The following LDLRAD4 variants were observed in gnomAD, a reference collection of about 807,000 sequenced individuals.
The protein encoded by LDLRAD4 is low density lipoprotein receptor class A domain containing 4, also known as low-density lipoprotein receptor class A domain-containing protein 4.
In LDLRAD4, 5 loss-of-function variants were observed where a neutral mutation model predicts 17.0. The ratio of observed to expected loss-of-function variants is 0.29; its 90% CI spans 0.15 to 0.62. LDLRAD4 has a LOEUF of 0.62. LDLRAD4 is among the 20% of genes least tolerant of loss of function. The probability of loss-of-function intolerance (pLI) is 0.84; values close to 1 mark genes in which losing one functional copy is unlikely to be tolerated. For synonymous variants in LDLRAD4, 168 were observed against 171.8 expected (o/e 0.98, Z 0.17); for missense variants, 340 against 424.7 (o/e 0.80, Z 1.75).
chr18:13,358,874 T>TG (rs1324765278), intron 1 of LDLRAD4, among the ~76,000 whole-genome samples: 11 of 152,072 alleles, frequency 7.2e-5, no homozygotes, highest in Non-Finnish European at 5.9e-5. Flanking sequence ...TATGATGAAA[T>TG]TTAACAAAGG....
intron 4 of LDLRAD4, among the ~76,000 whole-genome samples, chr18:13,627,891 G>A (rs1450802484): frequency 1.3e-5 from 2 of 152,212 alleles, no homozygotes; most frequent in African/African-American, 2.4e-5. Context: ...CCAGGAGCCC[G>A]CTGTGCTGGG....
intron 3 of LDLRAD4, among the ~76,000 whole-genome samples, chr18:13,607,820 C>T (rs1161730344): frequency 6.6e-6 from 1 of 152,172 alleles, no homozygotes; most frequent in Non-Finnish European, 1.5e-5. Context: ...GTATATGTGC[C>T]ACATTTTCTT....
At chr18:13,443,896 G>A (rs1025384410) in intron 3 of LDLRAD4, among the ~76,000 whole-genome samples, 4 of 152,208 alleles carry the variant, frequency 2.6e-5, no homozygotes, top group Admixed American at 2.0e-4. Flanking sequence ...AGACTCAGGT[G>A]TGAACGCTGT....
At chr18:13,282,623 C>T (rs568149924) in intron 1 of LDLRAD4, among the ~76,000 whole-genome samples, 1 of 152,356 alleles carries the variant, frequency 6.6e-6, no homozygotes, top group African/African-American at 2.4e-5. Context: ...TGGGCAGCTC[C>T]ACTCCTGTGG....
intron 1 of LDLRAD4, among the ~76,000 whole-genome samples, chr18:13,308,230 A>G (rs957662381): frequency 3.3e-5 from 5 of 151,636 alleles, no homozygotes; most frequent in Non-Finnish European, 5.9e-5. Context: ...GCCGCCCCAC[A>G]CCTCTCCTCT....
rs191483042 is a variant in LDLRAD4 at position 13,531,766 on chromosome 18, C to T, written c.182-89351C>T. ...GTAGGAAATGGAGATGGAGAGAAAG[C>T]GCTGCATCTTTCTCCTTAGAGAACT... On this transcript the variant is annotated intron_variant, in intron 3 of 5. Coordinates refer to ENST00000359446, the Ensembl canonical transcript of LDLRAD4. 4.6e-5 allele frequency among the ~76,000 whole-genome samples: 7 copies of T among 152,166 alleles called. No homozygotes were observed. In the East Asian group the frequency reaches 9.7e-4, roughly 21 times the overall value.
At chr18:13,350,698 C>T (rs1319960833) in intron 1 of LDLRAD4, among the ~76,000 whole-genome samples, 1 of 152,184 alleles carries the variant, frequency 6.6e-6, no homozygotes, top group African/African-American at 2.4e-5. Context: ...GTCATGAAAT[C>T]TTTGCCCATG....
At chr18:13,286,298 G>A (rs984969236) in intron 1 of LDLRAD4, among the ~76,000 whole-genome samples, 1 of 152,218 alleles carries the variant, frequency 6.6e-6, no homozygotes, top group African/African-American at 2.4e-5. Context: ...CTCATATTAT[G>A]TTGTCCTTGG....
rs182645836 is a variant in LDLRAD4 at position 13,407,215 on chromosome 18, G to A, written c.40+19453G>A. Among the ~76,000 whole-genome samples, 898 of 152,256 alleles carry A rather than the reference G, an allele frequency of 5.9e-3. 14 individuals are homozygous for A. The highest frequency in any genetic ancestry group is 0.021 in the African/African-American group (860 of 41,536). ...GCTGGATGTCACCTGCGCGACTCTG[G>A]TGCACCCCTCATAGAGGCTGCTCTG... On this transcript the variant is annotated intron_variant, in intron 2 of 5. Transcript: ENST00000359446.
At chr18:13,494,229 C>CAA (rs1443729478) in intron 3 of LDLRAD4, among the ~76,000 whole-genome samples, 1 of 152,088 alleles carries the variant, frequency 6.6e-6, no homozygotes, top group African/African-American at 2.4e-5. Flanking sequence ...TTGTCTGACA[C>CAA]AAAAGCATAT....
chr18:13,230,076 C>T (rs1186647082), intron 1 of LDLRAD4, among the ~76,000 whole-genome samples: 1 of 152,188 alleles, frequency 6.6e-6, no homozygotes. Flanking sequence ...GATTAGGTCA[C>T]GAGGCTTCTC....
At chr18:13,630,371 G>A (rs534153775) in intron 4 of LDLRAD4, among the ~76,000 whole-genome samples, 1 of 152,074 alleles carries the variant, frequency 6.6e-6, no homozygotes, top group Non-Finnish European at 1.5e-5. Flanking sequence ...TGGAAAGGAC[G>A]GTAGTGATAA....
At chr18:13,541,818 C>CAAGCCAGGAGGATAGCTTA (rs535490829) in intron 3 of LDLRAD4, among the ~76,000 whole-genome samples, 4 of 152,206 alleles carry the variant, frequency 2.6e-5, no homozygotes, top group Admixed American at 1.3e-4. Flanking sequence ...TTTGGGAGAC[C>CAAGCCAGGAGGATAGCTTA]AAGCCAGGAG....
chr18:13,313,509 C>G (rs1276464225), intron 1 of LDLRAD4, among the ~76,000 whole-genome samples: 3 of 152,196 alleles, frequency 2.0e-5, no homozygotes, highest in South Asian at 4.1e-4. Context: ...TCTGGTGAAC[C>G]CGGTTTCCCG....
intron 2 of LDLRAD4, among the ~76,000 whole-genome samples, chr18:13,394,733 A>G (rs2086525805): frequency 6.6e-6 from 1 of 152,208 alleles, no homozygotes; most frequent in Admixed American, 6.5e-5. Context: ...GCATTGTTTG[A>G]GATGAATCCT....
Position 13,622,441 on chromosome 18 carries a change from C to T in LDLRAD4, c.336+1170C>T, listed in dbSNP as rs1350240444. The stretch of plus-strand genomic sequence containing the variant: ...GAGGAGATGGGATGCCAGGGGAAGA[C>T]GTGCACCCTTGACAGCCGTTTCCTC... On this transcript the variant is annotated intron_variant, in intron 4 of 5. Coordinates refer to ENST00000359446, the Ensembl canonical transcript of LDLRAD4. This position sits in a 1 kb window ranked among gnomAD's most constrained non-coding sequence, Gnocchi z 5.3. Among the ~76,000 whole-genome samples the T allele has an allele frequency of 6.6e-6, 1 of 152,154 alleles. No homozygotes were observed.
upstream of LDLRAD4, among the ~76,000 whole-genome samples, chr18:13,273,766 G>A (rs1044460147): frequency 2.6e-5 from 4 of 152,128 alleles, no homozygotes; most frequent in Non-Finnish European, 2.9e-5. Context: ...AAGAATAAGC[G>A]CGCCTGCTTC....
intron 1 of LDLRAD4, among the ~76,000 whole-genome samples, chr18:13,332,862 G>A (rs888043726): frequency 3.9e-5 from 6 of 151,960 alleles, no homozygotes; most frequent in African/African-American, 1.5e-4. Context: ...TATGAATAAA[G>A]CTGCTATAAG....
intron 3 of LDLRAD4, among the ~76,000 whole-genome samples, chr18:13,503,220 A>G (rs951594484): frequency 6.6e-6 from 1 of 152,224 alleles, no homozygotes; most frequent in Non-Finnish European, 1.5e-5. Flanking sequence ...CCTCAGTTAC[A>G]TGGAGGATGG....
Sources: gnomAD v4.1 joint callset for allele counts (sites outside exome capture counted in the v4.1 genomes callset) on GRCh38, gnomAD v4.1.1 for gene constraint, Gnocchi (gnomAD v3.1) non-coding constraint, MANE v1.5 for transcripts, NCBI Gene and HGNC (gene_info 2026-07-23, HGNC 2026-07-21) for gene names.